The following FIBCD1 variants were observed in gnomAD, a reference collection of about 807,000 sequenced individuals.
FIBCD1 encodes the protein fibrinogen C domain containing 1, also known as fibrinogen C domain-containing protein 1.
A neutral mutation model predicts 45.1 loss-of-function variants in FIBCD1; 47 were observed. The ratio of observed to expected loss-of-function variants is 1.04; its 90% confidence interval spans 0.82 to 1.33. The LOEUF is 1.33. FIBCD1 is among the 40% of genes most tolerant of loss of function. The probability of loss-of-function intolerance (pLI) is 0.00; values close to 1 mark genes in which losing one functional copy is unlikely to be tolerated. For synonymous variants in FIBCD1, 313 were observed against 308.1 expected (o/e 1.02, Z -0.17); for missense variants, 653 against 682.2 (o/e 0.96, Z 0.48).
In FIBCD1 at chr9:130,924,310, C is replaced by T. The variant is rs756649859; in HGVS notation, c.639G>A (p.Leu213=). The T allele has an allele frequency of 4.0e-5, 65 of 1,605,622 alleles. No homozygotes were observed. The highest frequency in any genetic ancestry group is 5.3e-5 in the Non-Finnish European group (62 of 1,177,544). The change falls in exon 3 of 7, where the codon CTG becomes CTA. Residue 213 remains leucine, a synonymous_variant. Coordinates refer to ENST00000372338, the MANE Select transcript of FIBCD1 (RefSeq NM_032843.5). ...GGTCGGCCTTGTTGCGGGGCCGGCC[C>T]AGCCCCCGGTCCCTCTGCAGGGCAT... The part of the protein sequence containing the change: ...ILDALQRDRG[L]GRPRNKADLQ...
intron 2 of FIBCD1, among the ~76,000 whole-genome samples, chr9:130,924,974 C>G (rs1832333839): frequency 6.6e-6 from 1 of 152,186 alleles, no homozygotes; most frequent in Non-Finnish European, 1.5e-5. Flanking sequence ...ACCAGACATC[C>G]CCACCGCTGC....
At chr9:130,911,736 T>C in intron 5 of FIBCD1, 56 bp downstream of exon 5, 2 of 1,496,358 alleles carry the variant, frequency 1.3e-6, no homozygotes, top group African/African-American at 1.4e-5. Flanking sequence ...CCCAACTGTG[T>C]CCGGAAGGCA....
chr9:130,911,888 C>T lies in FIBCD1; in HGVS notation c.850G>A (p.Val284Met), dbSNP rs1832059056. The change falls in exon 5 of 7, where the codon GTG (valine) becomes ATG (methionine). Residue 284 changes from valine to methionine, a missense_variant and splice_region_variant. Transcript: ENST00000372338. ...DMRTDGGGWTVFQRREDGSVN... is the reference protein window; with the variant it reads ...DMRTDGGGWTMFQRREDGSVN... ...GAGCCGTCCTCCCGGCGCTGAAACA[C>T]CTGCAAAGGGAAGATGGGGATGGGG... 1.3e-6 allele frequency: 2 copies of T among 1,572,462 alleles called. No homozygotes were observed. Among genetic ancestry groups the T allele is most frequent in the Admixed American group, 1.8e-5 (1 of 54,162 alleles).
intron 4 of FIBCD1, among the ~76,000 whole-genome samples, chr9:130,916,779 C>T (rs1832168069): frequency 6.6e-6 from 1 of 152,162 alleles, no homozygotes; most frequent in Admixed American, 6.5e-5. Flanking sequence ...CCCCACCCAC[C>T]GAACGTGAAT....
At chr9:130,938,513 C>T in intron 1 of FIBCD1, 23 bp downstream of exon 1, 1 of 1,479,354 alleles carries the variant, frequency 6.8e-7, no homozygotes, top group Non-Finnish European at 8.9e-7. Context: ...GCCCAGGCCC[C>T]GTGTCCCAGC....
chr9:130,924,097 C>T (rs2314027), intron 3 of FIBCD1, 140 bp downstream of exon 3: 164 of 1,290,960 alleles, frequency 1.3e-4, no homozygotes, highest in South Asian at 5.0e-4. Flanking sequence ...GAGAATGGAC[C>T]GAGAGGGCTT....
At chr9:130,912,597 C>A (rs2076421149) in intron 4 of FIBCD1, among the ~76,000 whole-genome samples, 1 of 151,730 alleles carries the variant, frequency 6.6e-6, no homozygotes, top group African/African-American at 2.4e-5. Context: ...ATCCCAGCTA[C>A]TGGGGAGGCT....
Position 130,911,985 on chromosome 9 carries a change from C to A in FIBCD1, c.850-97G>T, listed in dbSNP as rs889465108. 17 of 1,144,038 alleles carry A rather than the reference C, an allele frequency of 1.5e-5. No individual in the cohort carries two copies. In the South Asian group the frequency reaches 2.1e-4, roughly 14 times the overall value. 70.9% of individuals were successfully genotyped at this position (1,144,038 alleles called of 1,614,324 possible). Reference sequence around the variant, plus strand: ...CCGCCCAGAGACTCCCCTCACCCTGCTCCCAACCTGCCCTCTCGGGAGGGC... The same window carrying A: ...CCGCCCAGAGACTCCCCTCACCCTGATCCCAACCTGCCCTCTCGGGAGGGC... On this transcript the variant is annotated intron_variant, in intron 4 of 6. Coordinates refer to ENST00000372338, the MANE Select transcript of FIBCD1 (RefSeq NM_032843.5).
chr9:130,930,435 T>TGGGGAGACGCGGGGAGACGC (rs199580520), intron 1 of FIBCD1, among the ~76,000 whole-genome samples: 2 of 142,990 alleles, frequency 1.4e-5, no homozygotes, highest in Non-Finnish European at 3.1e-5. Flanking sequence ...CGGGGAGACA[T>TGGGGAGACGCGGGGAGACGC]GGGGAGATGC....
chr9:130,913,402 C>T (rs1038821717), intron 4 of FIBCD1, among the ~76,000 whole-genome samples: 1 of 152,262 alleles, frequency 6.6e-6, no homozygotes, highest in Non-Finnish European at 1.5e-5. Context: ...TGATTTCAGT[C>T]GCTCGGAACT....
chr9:130,934,671 C>T (rs1030567116), intron 1 of FIBCD1, among the ~76,000 whole-genome samples: 12 of 152,208 alleles, frequency 7.9e-5, no homozygotes, highest in Admixed American at 1.3e-4. Flanking sequence ...ACTGGGGCCT[C>T]AAGCCCACTG....
intron 5 of FIBCD1, among the ~76,000 whole-genome samples, chr9:130,909,974 C>A (rs2133073075): frequency 6.6e-6 from 1 of 152,344 alleles, no homozygotes; most frequent in African/African-American, 2.4e-5. Context: ...CCTCACAGCC[C>A]TCCCTCGCTC....
intron 2 of FIBCD1, 125 bp from the exon 3 acceptor site, chr9:130,924,521 C>T (rs2133107478): frequency 2.2e-6 from 2 of 902,788 alleles, no homozygotes; most frequent in East Asian, 5.5e-5. Flanking sequence ...GGCTCAAGGC[C>T]CCGCCCTGCC....
chr9:130,922,232 A>G lies in FIBCD1; in HGVS notation c.849+1512T>C, dbSNP rs1218779992. Among the ~76,000 whole-genome samples, 1 of 152,184 alleles carries G rather than the reference A, an allele frequency of 6.6e-6. No homozygotes were observed. The highest frequency in any genetic ancestry group is 2.4e-5 in the African/African-American group (1 of 41,452). On this transcript the variant is annotated intron_variant, in intron 4 of 6. Transcript: ENST00000372338. The surrounding 1 kb of genome is among the most constrained non-coding windows in gnomAD (Gnocchi z 4.5). Reference sequence around the variant, plus strand: ...CCCAGGCGAGATGCGTCCCGCACTCAGTGGCAGCAGCCCTGGGGCGGTGGG... The same window carrying G: ...CCCAGGCGAGATGCGTCCCGCACTCGGTGGCAGCAGCCCTGGGGCGGTGGG...
chr9:130,912,002 C>G lies in FIBCD1; in HGVS notation c.850-114G>C, dbSNP rs796767271. 47 of 930,948 alleles carry G rather than the reference C, an allele frequency of 5.0e-5. No individual in the cohort carries two copies. In the African/African-American group the frequency reaches 6.1e-4, roughly 12 times the overall value. 57.7% of individuals were successfully genotyped at this position (930,948 alleles called of 1,614,324 possible). ...TCACCCTGCTCCCAACCTGCCCTCT[C>G]GGGAGGGCAGGGGCCTGGTTGCCCA... On this transcript the variant is annotated intron_variant, in intron 4 of 6. Transcript: ENST00000372338.
chr9:130,911,714 G>A (rs1564334242), intron 5 of FIBCD1, 78 bp downstream of exon 5: 1 of 1,331,396 alleles, frequency 7.5e-7, no homozygotes. Flanking sequence ...CCCATTCAGG[G>A]AGCAGCTGGG....
In FIBCD1 at chr9:130,938,581, C is replaced by A; in HGVS notation, c.27G>T (p.Met9Ile). The A allele has an allele frequency of 6.7e-7, 1 of 1,487,788 alleles. No individual in the cohort carries two copies. The highest frequency in any genetic ancestry group is 8.9e-7 in the Non-Finnish European group (1 of 1,123,838). The allele number at this position is 1,487,788 out of a possible 1,614,324, so 92.2% of individuals were successfully genotyped here. Residue 9 changes from methionine to isoleucine, a missense_variant, in exon 1 of 7, where the codon ATG (methionine) becomes ATT (isoleucine). Transcript: ENST00000372338. Reference protein sequence around the residue: MVNDRWKTMGGAAQLEDRP... With the variant: MVNDRWKTIGGAAQLEDRP... ...GGTCCTCAAGTTGGGCAGCGCCGCCCATGGTCTTCCACCGGTCGTTGACCA... is the reference window on the plus strand; with the variant it reads ...GGTCCTCAAGTTGGGCAGCGCCGCCAATGGTCTTCCACCGGTCGTTGACCA...
chr9:130,912,157 C>T (rs1173035536), intron 4 of FIBCD1, among the ~76,000 whole-genome samples: 1 of 152,024 alleles, frequency 6.6e-6, no homozygotes, highest in African/African-American at 2.4e-5. Flanking sequence ...GAATTCCAGG[C>T]CGGGCATGGT....
At position 130,903,764 on chromosome 9, in the gene FIBCD1, C is replaced by G; in HGVS notation, c.*300G>C. ...AGACTCCACCATCCTGGCCAGGGGA[C>G]GGCAAACAGCACCGGAGTCACAGTG... On this transcript the variant is annotated 3_prime_UTR_variant, in exon 7 of 7. Coordinates refer to ENST00000372338, the MANE Select transcript of FIBCD1 (RefSeq NM_032843.5). 1 of 507,984 alleles carries G rather than the reference C, an allele frequency of 2.0e-6. No homozygotes were observed. The highest frequency in any genetic ancestry group is 3.6e-6 in the Non-Finnish European group (1 of 274,764). The allele number at this position is 507,984 out of a possible 1,614,324, so 31.5% of individuals were successfully genotyped here.
Sources: allele counts gnomAD v4.1 joint callset (sites outside exome capture counted in the v4.1 genomes callset), GRCh38; gene constraint gnomAD v4.1.1; non-coding constraint Gnocchi (gnomAD v3.1); transcripts MANE v1.5; gene names NCBI Gene and HGNC (gene_info 2026-07-23, HGNC 2026-07-21).